The following STAMBP variants were observed in gnomAD, a reference collection of about 807,000 sequenced individuals.
STAMBP encodes STAM binding protein, also known as STAM-binding protein.
A neutral mutation model predicts 50.7 loss-of-function variants in STAMBP; 31 were observed. That is an observed-to-expected ratio of 0.61 (90% CI 0.46 to 0.83). The LOEUF (loss-of-function observed/expected upper bound fraction) is 0.83. STAMBP is among the 40% of genes least tolerant of loss of function. The pLI, the probability that STAMBP is intolerant of heterozygous loss-of-function variation, is 0.00. For synonymous variants in STAMBP, 211 were observed against 192.4 expected (o/e 1.10, Z -0.80); for missense variants, 472 against 518.9 (o/e 0.91, Z 0.88).
At chr2:73,861,107 A>T (rs1021464607) in intron 9 of STAMBP, among the ~76,000 whole-genome samples, 2 of 152,210 alleles carry the variant, frequency 1.3e-5, no homozygotes, top group Non-Finnish European at 2.9e-5. Context: ...TCAGAAAAAA[A>T]GGTCTGGGGC....
downstream of STAMBP, among the ~76,000 whole-genome samples, chr2:73,868,528 A>T (rs925852729): frequency 7.2e-5 from 11 of 151,926 alleles, no homozygotes; most frequent in Non-Finnish European, 4.4e-5. Context: ...AGTCTCTCAT[A>T]AAAAAAAATT....
downstream of STAMBP, among the ~76,000 whole-genome samples, chr2:73,872,035 A>G (rs1446062341): frequency 6.6e-6 from 1 of 152,104 alleles, no homozygotes; most frequent in Non-Finnish European, 1.5e-5. Flanking sequence ...GACCTCCCAA[A>G]GTGCTGGGAT....
At chr2:73,860,244 G>A in intron 9 of STAMBP, 93 bp downstream of exon 9, 1 of 1,067,344 alleles carries the variant, frequency 9.4e-7, no homozygotes, top group Non-Finnish European at 1.4e-6. Context: ...GATCCACACA[G>A]AAGACCAGCT....
chr2:73,841,534 C>T (rs1228601017), intron 2 of STAMBP, among the ~76,000 whole-genome samples: 1 of 152,200 alleles, frequency 6.6e-6, no homozygotes, highest in East Asian at 1.9e-4. Context: ...CCATGTCCAA[C>T]CCTTTGAATG....
chr2:73,868,340 C>T (rs1025159561), downstream of STAMBP, among the ~76,000 whole-genome samples: 3 of 152,120 alleles, frequency 2.0e-5, no homozygotes, highest in African/African-American at 7.2e-5. Context: ...GTAGGACTTG[C>T]CCATGATTCC....
chr2:73,869,354 A>G (rs562408189), downstream of STAMBP, among the ~76,000 whole-genome samples: 8 of 152,332 alleles, frequency 5.3e-5, no homozygotes, highest in African/African-American at 1.9e-4. Flanking sequence ...AAAACCAGTA[A>G]GCTTTTCAGA....
At chr2:73,849,326 T>C in intron 5 of STAMBP, 37 bp from the exon 6 acceptor site, 1 of 1,612,108 alleles carries the variant, frequency 6.2e-7, no homozygotes, top group Non-Finnish European at 8.5e-7. Context: ...GAGGCAGGGC[T>C]CAGTGGTCGC....
In STAMBP at chr2:73,847,742, A is replaced by G. The variant is rs763893038; in HGVS notation, c.731A>G (p.Asn244Ser). ...TCCTTGAAACCTGGAGCACTGAGCA[A>G]CTCAGAAAGTAGTAAGTGCATTTGC... ...DRSLKPGALS[N>S]SESIPTIDGL... The change falls in exon 5 of 10, where the codon AAC becomes AGC. Residue 244 changes from asparagine (N) to serine (S), a missense_variant. Coordinates refer to ENST00000394070, the MANE Select transcript of STAMBP (RefSeq NM_213622.4). 7 of 1,613,046 alleles carry G rather than the reference A, an allele frequency of 4.3e-6. No homozygotes were observed. In the South Asian group the frequency reaches 5.5e-5, roughly 13 times the overall value.
At chr2:73,834,226 A>T (rs1674340836) in intron 2 of STAMBP, among the ~76,000 whole-genome samples, 4 of 23,874 alleles carry the variant, frequency 1.7e-4, no homozygotes, top group African/African-American at 4.2e-4. Flanking sequence ...AAAAAAAAAA[A>T]AAAAAAAAAA....
chr2:73,862,577 A>G lies in STAMBP; in HGVS notation c.*318A>G, dbSNP rs1678464772. The G allele has an allele frequency of 1.1e-5, 2 of 176,508 alleles. No individual in the cohort carries two copies. The highest frequency in any genetic ancestry group is 2.4e-5 in the Non-Finnish European group (2 of 83,996). 10.9% of individuals were successfully genotyped at this position (176,508 alleles called of 1,614,324 possible). On this transcript the variant is annotated 3_prime_UTR_variant, in exon 10 of 10. Transcript: ENST00000394070. ...TATACCCTTCCTTCTGGATTCACCA[A>G]TTGTTAACATTTTTTTCCTCTCAGC...
At chr2:73,835,961 T>A (rs1674663472) in intron 2 of STAMBP, among the ~76,000 whole-genome samples, 1 of 151,946 alleles carries the variant, frequency 6.6e-6, no homozygotes, top group South Asian at 2.1e-4. Flanking sequence ...TCTGAAGTCA[T>A]GAGAATGGCT....
chr2:73,855,252 C>T (rs1297259608), intron 7 of STAMBP, among the ~76,000 whole-genome samples: 1 of 152,184 alleles, frequency 6.6e-6, no homozygotes, highest in Non-Finnish European at 1.5e-5. Flanking sequence ...ACCCAGGCTG[C>T]CTTCAGCATT....
At chr2:73,871,265 C>T (rs116542570), downstream of STAMBP, among the ~76,000 whole-genome samples, 5,413 of 152,006 alleles carry the variant, frequency 0.036, 126 homozygotes, top group Non-Finnish European at 0.055. Context: ...TAATTGCGGC[C>T]GGGCGTGGTG....
At chr2:73,840,636 C>G (rs182716721) in intron 2 of STAMBP, among the ~76,000 whole-genome samples, 5 of 151,226 alleles carry the variant, frequency 3.3e-5, no homozygotes. Context: ...CGCAGCTACT[C>G]GGGAGGCTGA....
At chr2:73,853,787 A>G (rs1677184171) in intron 7 of STAMBP, among the ~76,000 whole-genome samples, 2 of 152,120 alleles carry the variant, frequency 1.3e-5, no homozygotes, top group African/African-American at 4.8e-5. Context: ...TACATACACT[A>G]CCTAGGTCAG....
In STAMBP at chr2:73,850,553, C is replaced by T. The variant is rs2104545586; in HGVS notation, c.1005+40C>T. 6.3e-7 allele frequency: 1 copy of T among 1,590,412 alleles called. No individual in the cohort carries two copies. The highest frequency in any genetic ancestry group is 8.6e-7 in the Non-Finnish European group (1 of 1,168,512). The stretch of plus-strand genomic sequence containing the variant: ...GCTGTCCGAGAGTTAGTCTCTGCCT[C>T]TCCCATGGTGGTATAAATACATGAG... On this transcript the variant is annotated intron_variant, in intron 7 of 9. Coordinates refer to ENST00000394070, the MANE Select transcript of STAMBP (RefSeq NM_213622.4). The surrounding 1 kb of genome is among the most constrained non-coding windows in gnomAD (Gnocchi z 4.3).
chr2:73,832,946 G>C (rs1336771173), intron 2 of STAMBP, among the ~76,000 whole-genome samples: 3 of 152,340 alleles, frequency 2.0e-5, no homozygotes, highest in East Asian at 3.9e-4. Context: ...AGTGTTGCCT[G>C]TGTTAAGAGG....
chr2:73,845,899 T>C (rs1421036968), intron 4 of STAMBP, among the ~76,000 whole-genome samples: 1 of 152,276 alleles, frequency 6.6e-6, no homozygotes, highest in African/African-American at 2.4e-5. Flanking sequence ...TCCAAAGTGC[T>C]GGGATTACAG....
chr2:73,849,933 A>G (rs967817144), intron 6 of STAMBP, among the ~76,000 whole-genome samples: 2 of 152,218 alleles, frequency 1.3e-5, no homozygotes, highest in East Asian at 1.9e-4. Context: ...AGGTCACTGA[A>G]TGGAGGCACT....
Sources: allele counts gnomAD v4.1 joint callset (sites outside exome capture counted in the v4.1 genomes callset), GRCh38; gene constraint gnomAD v4.1.1; non-coding constraint Gnocchi (gnomAD v3.1); transcripts MANE v1.5; gene names NCBI Gene and HGNC (gene_info 2026-07-23, HGNC 2026-07-21).